FER1L6: variants seen among roughly 807,000 people sequenced by gnomAD.
FER1L6 encodes the protein fer-1 like family member 6.
In FER1L6, 177 loss-of-function variants were observed where a neutral mutation model predicts 219.2. The observed-to-expected ratio is 0.81, with a 90% CI of 0.71 to 0.91. FER1L6 has a LOEUF of 0.91. Among genes scored for constraint, FER1L6 ranks in the 40% least tolerant of loss-of-function variants. FER1L6 has a pLI of 0.00. For synonymous variants in FER1L6, 768 were observed against 824.3 expected, an observed-to-expected ratio of 0.93 and a Z score of 1.17; for missense variants, 2,153 against 2,259.9, an observed-to-expected ratio of 0.95 and a Z score of 0.96.
At chr8:123,864,703 C>T (rs1272715057) in intron 1 of FER1L6, among the ~76,000 whole-genome samples, 1 of 149,124 alleles carries the variant, frequency 6.7e-6, no homozygotes, top group Non-Finnish European at 1.5e-5. Context: ...TTTCTCTAAA[C>T]TTCCCTTCTC....
chr8:123,986,328 G>A lies in FER1L6; in HGVS notation c.1519+152G>A. The stretch of plus-strand genomic sequence containing the variant: ...TGAACAATTCCTTGTCTACTCTATT[G>A]TCAATATATAAGGGATAGATTTATT... On this transcript the variant is annotated intron_variant, in intron 12 of 40. Coordinates refer to ENST00000522917, the MANE Select transcript of FER1L6 (RefSeq NM_001039112.2). The A allele has an allele frequency of 1.9e-5, 11 of 572,998 alleles. No individual in the cohort carries two copies. In the South Asian group the frequency reaches 2.7e-4, roughly 14 times the overall value. The allele number at this position is 572,998 out of a possible 1,614,324, so 35.5% of individuals were successfully genotyped here.
At chr8:124,093,043 T>G (rs995558157) in intron 34 of FER1L6, among the ~76,000 whole-genome samples, 1 of 151,992 alleles carries the variant, frequency 6.6e-6, no homozygotes, top group Non-Finnish European at 1.5e-5. Flanking sequence ...AGGCTGGTCT[T>G]GAACTCCTGA....
intron 22 of FER1L6, 101 bp downstream of exon 22, chr8:124,049,857 G>A (rs947910627): frequency 2.2e-5 from 26 of 1,203,552 alleles, no homozygotes; most frequent in African/African-American, 1.0e-4. Context: ...CTGATCCCTC[G>A]CTGCAATCCC....
chr8:123,880,357 G>C lies in FER1L6; in HGVS notation c.-8+28172G>C, dbSNP rs570395179. Among the ~76,000 whole-genome samples, 5 of 152,262 alleles carry C rather than the reference G, an allele frequency of 3.3e-5. No individual in the cohort carries two copies. In the South Asian group the frequency reaches 1.0e-3, roughly 32 times the overall value. On this transcript the variant is annotated intron_variant, in intron 1 of 40. Coordinates refer to ENST00000522917, the MANE Select transcript of FER1L6 (RefSeq NM_001039112.2). Reference sequence around the variant, plus strand: ...CCACAGGAACTGGCTTTATCGCAGCGCCTTGTTTATGTCCTCCGTCCACAG... The same window carrying C: ...CCACAGGAACTGGCTTTATCGCAGCCCCTTGTTTATGTCCTCCGTCCACAG...
intron 13 of FER1L6, among the ~76,000 whole-genome samples, chr8:124,004,449 C>G (rs556232905): frequency 7.2e-5 from 11 of 152,132 alleles, no homozygotes; most frequent in Admixed American, 2.0e-4. Context: ...TCTCTACGCT[C>G]CTCAGTCCCT....
rs554821747 is a variant in FER1L6 at position 123,924,540 on chromosome 8, A to T, written c.-7-31452A>T. Reference sequence around the variant, plus strand: ...CGAGACTGAAACTCCATCTCAAAAAAAAAAAAATAAATAAATAAAAGAATG... The same window carrying T: ...CGAGACTGAAACTCCATCTCAAAAATAAAAAAATAAATAAATAAAAGAATG... On this transcript the variant is annotated intron_variant, in intron 1 of 40. Transcript: ENST00000522917. Among the ~76,000 whole-genome samples, 672 of 140,530 alleles carry T rather than the reference A, an allele frequency of 4.8e-3. 3 individuals are homozygous for T. Among genetic ancestry groups the T allele is most frequent in the African/African-American group, 0.015 (548 of 36,654 alleles). The allele number at this position is 140,530 out of a possible 152,430, so 92.2% of individuals were successfully genotyped here. A position where few individuals can be genotyped will look rare whatever the true frequency, so the allele number is the denominator to read the frequency against.
At chr8:124,091,663 C>A in intron 34 of FER1L6, 80 bp downstream of exon 34, 1 of 1,461,112 alleles carries the variant, frequency 6.8e-7, no homozygotes, top group Non-Finnish European at 9.4e-7. Context: ...GGCTATGGGA[C>A]ATCTAATTAT....
At position 124,021,618 on chromosome 8, in the gene FER1L6, G is replaced by A; in HGVS notation, c.2082G>A (p.Met694Ile). The A allele has an allele frequency of 6.2e-7, 1 of 1,614,154 alleles. No homozygotes were observed. The highest frequency in any genetic ancestry group is 8.5e-7 in the Non-Finnish European group (1 of 1,179,990). Residue 694 changes from methionine to isoleucine, a missense_variant, in exon 17 of 41, where the codon ATG (methionine) becomes ATA (isoleucine). Met to Ile is a conservative substitution (Grantham distance 10). Coordinates refer to ENST00000522917, the MANE Select transcript of FER1L6 (RefSeq NM_001039112.2). ...AGAAAAAGTTATCTGTTGATGAAATGATTCACGAAGCCCAAAACTTTGTGG... is the reference window on the plus strand; with the variant it reads ...AGAAAAAGTTATCTGTTGATGAAATAATTCACGAAGCCCAAAACTTTGTGG... ...QQKKKLSVDEMIHEAQNFVEK... is the reference protein window; with the variant it reads ...QQKKKLSVDEIIHEAQNFVEK...
Position 123,853,434 on chromosome 8 carries a change from C to T in FER1L6, c.-8+1249C>T, listed in dbSNP as rs1206011644. 6.6e-6 allele frequency among the ~76,000 whole-genome samples: 1 copy of T among 152,182 alleles called. No individual in the cohort carries two copies. Among genetic ancestry groups the T allele is most frequent in the South Asian group, 2.1e-4 (1 of 4,832 alleles). On this transcript the variant is annotated intron_variant, in intron 1 of 40. Coordinates refer to ENST00000522917, the MANE Select transcript of FER1L6 (RefSeq NM_001039112.2). The surrounding 1 kb of genome is among the most constrained non-coding windows in gnomAD (Gnocchi z 6.6). ...CCTCCCAAAGTGCTGGGATTATAGG[C>T]GTGAGCCACCGTACCCGGCCTAAAA...
intron 1 of FER1L6, among the ~76,000 whole-genome samples, chr8:123,858,122 C>T (rs1258837895): frequency 6.6e-6 from 1 of 152,186 alleles, no homozygotes; most frequent in Non-Finnish European, 1.5e-5. Context: ...GCGACTCCCT[C>T]CTCTGATGGG....
intron 1 of FER1L6, among the ~76,000 whole-genome samples, chr8:123,954,237 G>C (rs1814913371): frequency 6.6e-6 from 1 of 152,108 alleles, no homozygotes; most frequent in Non-Finnish European, 1.5e-5. Flanking sequence ...ATGTATCTCA[G>C]GGTCTCAAAG....
intron 39 of FER1L6, among the ~76,000 whole-genome samples, chr8:124,109,874 C>T (rs946579302): frequency 9.2e-5 from 14 of 152,154 alleles, no homozygotes; most frequent in African/African-American, 3.4e-4. Context: ...ACAAGCGTTG[C>T]TAATATGAAC....
intron 1 of FER1L6, among the ~76,000 whole-genome samples, chr8:123,880,689 T>C (rs573197688): frequency 1.1e-4 from 17 of 152,238 alleles, no homozygotes; most frequent in African/African-American, 3.4e-4. Flanking sequence ...ACAAAGGAGG[T>C]TGGCAAAGCT....
At position 124,064,495 on chromosome 8, in the gene FER1L6, C is replaced by T. The variant is rs750405939; in HGVS notation, c.3477C>T (p.Asp1159=). The T allele has an allele frequency of 1.2e-5, 20 of 1,614,032 alleles. No homozygotes were observed. In the Middle Eastern group the frequency reaches 5.0e-4, roughly 40 times the overall value. ...AGGCCCAGCCGGCCATCCTGGTTGA[C>T]GTCCCTGACTCATCCCCGATGCTGG... is the stretch of plus-strand genomic sequence containing the variant. ...SAQAQPAILV[D]VPDSSPMLEP... The change falls in exon 26 of 41, where the codon GAC becomes GAT. Residue 1159 remains aspartate (D), a synonymous_variant. Transcript: ENST00000522917.
intron 1 of FER1L6, among the ~76,000 whole-genome samples, chr8:123,954,931 G>A (rs1814947685): frequency 6.6e-6 from 1 of 152,096 alleles, no homozygotes; most frequent in African/African-American, 2.4e-5. Context: ...TCTCTCCAGG[G>A]CTGGCCAGGC....
In FER1L6 at chr8:123,963,375, C is replaced by T; in HGVS notation, c.174C>T (p.Val58=). Residue 58 remains valine, a synonymous_variant, in exon 3 of 41, where the codon GTC becomes GTT. Transcript: ENST00000522917. ...ATGATGATGCTTCTATCTTTCCTGTCCCCTCAGCTTCTCCAAAGAGAAGGT... is the reference window on the plus strand; with the variant it reads ...ATGATGATGCTTCTATCTTTCCTGTTCCCTCAGCTTCTCCAAAGAGAAGGT... The part of the protein sequence containing the change: ...LVHDDASIFP[V]PSASPKRRSK... The T allele has an allele frequency of 6.2e-7, 1 of 1,614,114 alleles. No individual in the cohort carries two copies. The highest frequency in any genetic ancestry group is 8.5e-7 in the Non-Finnish European group (1 of 1,179,972).
chr8:124,082,175 C>T, intron 32 of FER1L6, 113 bp from the exon 33 acceptor site: 1 of 734,364 alleles, frequency 1.4e-6, no homozygotes, highest in Non-Finnish European at 2.2e-6. Context: ...AACTGAGTTG[C>T]TGAGTGTTTA....
chr8:124,054,483 A>G (rs1211002824), intron 22 of FER1L6, among the ~76,000 whole-genome samples: 1 of 152,226 alleles, frequency 6.6e-6, no homozygotes, highest in African/African-American at 2.4e-5. Context: ...TTAGACCACA[A>G]AACATTTTTT....
rs117239913 is a variant in FER1L6, at chr8:123,973,531, C to T, written c.526+19C>T. ...CAACCTGGTAAGAAAACATCACCTCCCCATCTGTATCTCACTTGTCTTTGG... is the reference window on the plus strand; with the variant it reads ...CAACCTGGTAAGAAAACATCACCTCTCCATCTGTATCTCACTTGTCTTTGG... On this transcript the variant is annotated intron_variant, in intron 7 of 40. Transcript: ENST00000522917. 194 of 1,585,762 alleles carry T rather than the reference C, an allele frequency of 1.2e-4. 1 individual carries two copies. In the East Asian group the frequency reaches 4.2e-3, roughly 34 times the overall value.
Sources: allele counts gnomAD v4.1 joint callset (sites outside exome capture counted in the v4.1 genomes callset), GRCh38; gene constraint gnomAD v4.1.1; non-coding constraint Gnocchi (gnomAD v3.1); transcripts MANE v1.5; gene names NCBI Gene and HGNC (gene_info 2026-07-23, HGNC 2026-07-21).